INTS4: variants seen among roughly 807,000 people sequenced by gnomAD.
INTS4 encodes the protein integrator complex subunit 4, also known as MSTP093.
A neutral mutation model predicts 119.5 loss-of-function variants in INTS4; 70 were observed. That is an observed-to-expected ratio of 0.59 (90% confidence interval 0.48 to 0.71). INTS4 has a LOEUF of 0.71. Ranked by LOEUF, INTS4 falls within the 30% of genes least tolerant of loss-of-function variation. INTS4 has a pLI of 0.00. For missense variants in INTS4, 867 were observed against 1,173.2 expected (o/e 0.74, Z 3.81); for synonymous variants, 316 against 419.6 (o/e 0.75, Z 3.02).
downstream of INTS4, chr11:77,877,114 CTCATGACCTCGTGGA>C: frequency 1.4e-6 from 1 of 690,664 alleles, no homozygotes; most frequent in Non-Finnish European, 2.6e-6. Flanking sequence ...CTCTTTCGCA[CTCATGACCTCGTGGA>C]AATAGACTGC....
intron 2 of INTS4, among the ~76,000 whole-genome samples, chr11:77,985,322 T>C (rs1391606978): frequency 2.0e-5 from 3 of 152,214 alleles, no homozygotes; most frequent in African/African-American, 7.2e-5. Flanking sequence ...TATCTCTTGA[T>C]GAGCTCCCAA....
intron 4 of INTS4, among the ~76,000 whole-genome samples, chr11:77,970,385 T>TG (rs1855677869): frequency 6.6e-6 from 1 of 151,646 alleles, no homozygotes; most frequent in African/African-American, 2.4e-5. Context: ...GGTGACAGAG[T>TG]GACTCCATCT....
At chr11:77,897,378 TAAA>T (rs1340977728) in intron 18 of INTS4, among the ~76,000 whole-genome samples, 4 of 151,154 alleles carry the variant, frequency 2.6e-5, no homozygotes, top group Admixed American at 6.6e-5. Flanking sequence ...AAAATAAAAA[TAAA>T]GAAGGATATA....
rs576687725 is a variant in INTS4, at chr11:77,881,818, C to T, written c.2713+2014G>A. On this transcript the variant is annotated intron_variant, in intron 22 of 22. Coordinates refer to ENST00000534064, the MANE Select transcript of INTS4 (RefSeq NM_033547.4). ...TGTGAAAACACATCTGAAACCAGTA[C>T]GCACTATATATAAACAATTAAAACA... 9.2e-5 allele frequency among the ~76,000 whole-genome samples: 14 copies of T among 151,894 alleles called. No homozygotes were observed. The South Asian group carries it at 2.1e-3, about 23-fold the overall frequency.
At chr11:77,973,708 T>C (rs1204286210) in intron 4 of INTS4, among the ~76,000 whole-genome samples, 1 of 152,248 alleles carries the variant, frequency 6.6e-6, no homozygotes, top group Non-Finnish European at 1.5e-5. Flanking sequence ...CATTTATTGT[T>C]ATGATCTTGT....
intron 4 of INTS4, among the ~76,000 whole-genome samples, chr11:77,969,825 C>T (rs1009125543): frequency 6.6e-6 from 1 of 151,396 alleles, no homozygotes; most frequent in Non-Finnish European, 1.5e-5. Flanking sequence ...TCTCTGTTCG[C>T]CTAAGCCCTA....
intron 14 of INTS4, among the ~76,000 whole-genome samples, 198 bp downstream of exon 14, chr11:77,921,142 A>G (rs1217573358): frequency 6.6e-6 from 1 of 152,188 alleles, no homozygotes; most frequent in African/African-American, 2.4e-5. Flanking sequence ...ATAAAAAGCC[A>G]AAAACAAGCT....
rs1952776894 is a variant in INTS4 at position 77,901,521 on chromosome 11, T to A, written c.2128A>T (p.Met710Leu). 2 of 1,610,866 alleles carry A rather than the reference T, an allele frequency of 1.2e-6. No homozygotes were observed. Among genetic ancestry groups the A allele is most frequent in the African/African-American group, 2.7e-5 (2 of 74,992 alleles). Reference sequence around the variant, plus strand: ...TGCTTATTCTCCACACCACTGTACATGAATTCCATTTTGTAGGTCTCTTCC... The same window carrying A: ...TGCTTATTCTCCACACCACTGTACAAGAATTCCATTTTGTAGGTCTCTTCC... ...IMEETYKMEF[M>L]YSGVENKQVV... Residue 710 changes from methionine to leucine, a missense_variant, in exon 18 of 23, where the codon ATG becomes TTG. Coordinates refer to ENST00000534064, the MANE Select transcript of INTS4 (RefSeq NM_033547.4).
At chr11:77,939,519 C>T (rs1163982743) in intron 9 of INTS4, among the ~76,000 whole-genome samples, 3 of 152,074 alleles carry the variant, frequency 2.0e-5, no homozygotes, top group Non-Finnish European at 4.4e-5. Context: ...AGCTACAGTA[C>T]AGTCACTAAA....
At chr11:77,904,973 G>A (rs1421553662) in intron 16 of INTS4, among the ~76,000 whole-genome samples, 1 of 152,162 alleles carries the variant, frequency 6.6e-6, no homozygotes, top group Non-Finnish European at 1.5e-5. Flanking sequence ...TTAGATATCA[G>A]CTTGACTAGA....
chr11:77,891,523 C>T lies in INTS4; in HGVS notation c.2449-61G>A. On this transcript the variant is annotated intron_variant, in intron 20 of 22. Transcript: ENST00000534064. Reference sequence around the variant, plus strand: ...CAGGTCATTCCTGGATGAGAAAACGCATCTTTTTTCTGTCTCCTTATCTAA... The same window carrying T: ...CAGGTCATTCCTGGATGAGAAAACGTATCTTTTTTCTGTCTCCTTATCTAA... 7 of 1,596,354 alleles carry T rather than the reference C, an allele frequency of 4.4e-6. No individual in the cohort carries two copies. In the South Asian group the frequency reaches 6.7e-5, roughly 15 times the overall value.
At chr11:77,918,629 A>C (rs1326906678) in intron 15 of INTS4, among the ~76,000 whole-genome samples, 192 bp downstream of exon 15, 2 of 152,146 alleles carry the variant, frequency 1.3e-5, no homozygotes, top group East Asian at 3.8e-4. Flanking sequence ...TCGAGTCATG[A>C]ATATAAAGAG....
chr11:77,943,331 T>C (rs1250128889), intron 8 of INTS4, among the ~76,000 whole-genome samples: 4 of 152,294 alleles, frequency 2.6e-5, no homozygotes, highest in Admixed American at 6.5e-5. Context: ...CAGAGTCCTA[T>C]AGCATAGTAA....
At chr11:77,993,406 G>T (rs187475379) in intron 1 of INTS4, among the ~76,000 whole-genome samples, 2 of 152,206 alleles carry the variant, frequency 1.3e-5, no homozygotes, top group Non-Finnish European at 2.9e-5. Flanking sequence ...TGTATTCTGT[G>T]AGAAGAGACA....
At chr11:77,900,477 T>C in intron 18 of INTS4, 1 of 564,866 alleles carries the variant, frequency 1.8e-6, no homozygotes, top group Admixed American at 3.3e-5. Context: ...AATAAAATAT[T>C]TTATTTTTCA....
chr11:77,933,616 C>T (rs988480528), intron 10 of INTS4, among the ~76,000 whole-genome samples: 7 of 152,330 alleles, frequency 4.6e-5, no homozygotes, highest in African/African-American at 1.7e-4. Context: ...TCCCAAAGTG[C>T]CGAGATTGCA....
intron 15 of INTS4, among the ~76,000 whole-genome samples, chr11:77,908,826 C>T (rs992910049): frequency 2.1e-5 from 3 of 142,330 alleles, no homozygotes; most frequent in African/African-American, 8.0e-5. Flanking sequence ...TTTTTTGTAT[C>T]AGAAAAAAAC....
In INTS4 at chr11:77,938,661, A is replaced by G; in HGVS notation, c.1155T>C (p.Asp385=). 6.3e-7 allele frequency: 1 copy of G among 1,593,798 alleles called. No individual in the cohort carries two copies. Among genetic ancestry groups the G allele is most frequent in the Non-Finnish European group, 8.6e-7 (1 of 1,163,690 alleles). The part of the protein sequence containing the change: ...ACGAFVHGLE[D]EMYEVRIAAV... The stretch of plus-strand genomic sequence containing the variant: ...TACAGTCATACTTACCATACATCTC[A>G]TCTTCCAACCCATGAACAAAAGCTC... The change falls in exon 10 of 23, where the codon GAT becomes GAC. Residue 385 remains aspartate, a synonymous_variant. Transcript: ENST00000534064.
chr11:77,991,967 GGT>G (rs953360569), intron 1 of INTS4, among the ~76,000 whole-genome samples: 6 of 151,946 alleles, frequency 3.9e-5, no homozygotes, highest in African/African-American at 1.4e-4. Flanking sequence ...TGGAATTACA[GGT>G]GTGTGCCACC....
Sources: gnomAD v4.1 joint callset for allele counts (sites outside exome capture counted in the v4.1 genomes callset) on GRCh38, gnomAD v4.1.1 for gene constraint, MANE v1.5 for transcripts, NCBI Gene and HGNC (gene_info 2026-07-23, HGNC 2026-07-21) for gene names.